The following ARMCX4 variants were observed in gnomAD, a reference collection of about 807,000 sequenced individuals.
ARMCX4 encodes armadillo repeat containing X-linked 4.
A neutral mutation model predicts 34.7 loss-of-function variants in ARMCX4; 3 were observed. The ratio of observed to expected loss-of-function variants is 0.09; its 90% CI spans 0.04 to 0.22. The LOEUF (loss-of-function observed/expected upper bound fraction) is 0.22, where lower values mean the gene tolerates loss of function less well. ARMCX4 is among the 10% of genes least tolerant of loss of function. ARMCX4 has a pLI of 1.00. For synonymous variants in ARMCX4, 513 were observed against 632.8 expected, an observed-to-expected ratio of 0.81 and a Z score of 2.84; for missense variants, 1,448 against 1,720.8, an observed-to-expected ratio of 0.84 and a Z score of 2.81.
intron 4 of ARMCX4, among the ~76,000 whole-genome samples, chrX:101,477,750 C>A (rs1933264452): frequency 9.1e-6 from 1 of 110,400 alleles, no homozygotes; most frequent in Admixed American, 9.7e-5. Context: ...AAATGTAAAA[C>A]CAGATATTAG....
At chrX:101,427,492 C>A (rs982860620) in intron 2 of ARMCX4, among the ~76,000 whole-genome samples, 1 of 110,698 alleles carries the variant, frequency 9.0e-6, no homozygotes, top group Admixed American at 9.6e-5. Flanking sequence ...ATTCTCCTGC[C>A]TCAGCCTCCC....
Position 101,490,124 on chromosome X carries a change from G to T in ARMCX4, c.1535G>T (p.Gly512Val), listed in dbSNP as rs781802826. ...EGAGVDMKAQGMAQSQGEALP... is the reference protein window; with the variant it reads ...EGAGVDMKAQVMAQSQGEALP... ...GCTGGGGTGGATATGAAGGCTCAAG[G>T]TATGGCCCAGAGCCAGGGTGAAGCC... Residue 512 changes from glycine to valine, a missense_variant, in exon 6 of 6, where the codon GGT (glycine) becomes GTT (valine). Transcript: ENST00000423738. The T allele has an allele frequency of 4.2e-5, 48 of 1,154,357 alleles. No homozygotes were observed. The South Asian group carries it at 6.7e-4, about 16-fold the overall frequency.
downstream of ARMCX4, among the ~76,000 whole-genome samples, chrX:101,534,378 A>G (rs1272005393): frequency 9.0e-6 from 1 of 111,452 alleles, no homozygotes; most frequent in Non-Finnish European, 1.9e-5. Context: ...CTATAACAAA[A>G]TAACAGATTT....
chrX:101,469,960 A>G (rs1054035663), intron 4 of ARMCX4, among the ~76,000 whole-genome samples: 2 of 112,192 alleles, frequency 1.8e-5, no homozygotes, highest in Admixed American at 9.4e-5. Flanking sequence ...GGGTATAGGT[A>G]TGGCTGCAGA....
rs1933998322 is a variant in ARMCX4 at position 101,492,075 on chromosome X, T to G, written c.3486T>G (p.Ser1162Arg). Residue 1162 changes from serine to arginine, a missense_variant, in exon 6 of 6, where the codon AGT becomes AGG. By Grantham distance (110) the Ser-to-Arg change is moderately radical (BLOSUM62 -1). Transcript: ENST00000423738. ...RSWAVACDET[S>R]VKSWAGARAE... ...GGGCTGTGGCTTGTGATGAGACCAG[T>G]GTTAAGTCCTGGGCTGGGGCCAGGG... 1 of 1,150,131 alleles carries G rather than the reference T, an allele frequency of 8.7e-7. No homozygotes were observed. Among genetic ancestry groups the G allele is most frequent in the Non-Finnish European group, 1.1e-6 (1 of 870,349 alleles). 94.8% of individuals were successfully genotyped at this position (1,150,131 alleles called of 1,213,427 possible).
At chrX:101,479,468 G>A (rs1373960304) in intron 4 of ARMCX4, among the ~76,000 whole-genome samples, 3 of 107,391 alleles carry the variant, frequency 2.8e-5, no homozygotes, top group Non-Finnish European at 5.7e-5. Flanking sequence ...TATTCCTTAA[G>A]TTGATCTATA....
At position 101,491,518 on chromosome X, in the gene ARMCX4, A is replaced by G. The variant is rs1933979109; in HGVS notation, c.2929A>G (p.Lys977Glu). 8.7e-7 allele frequency: 1 copy of G among 1,155,164 alleles called. No homozygotes were observed. The highest frequency in any genetic ancestry group is 1.8e-5 in the African/African-American group (1 of 56,003). The change falls in exon 6 of 6, where the codon AAG (lysine) becomes GAG (glutamate). Residue 977 changes from lysine (K) to glutamate (E), a missense_variant. Physicochemically the swap from Lys to Glu is moderately conservative, Grantham distance 56. Coordinates refer to ENST00000423738, the MANE Select transcript of ARMCX4 (RefSeq NM_001256155.3). The stretch of plus-strand genomic sequence containing the variant: ...CAGGGGCAATTCCAATGCTGTGCCT[A>G]AGGCAGAGGCTGGGGCAGATACAGT... Reference protein sequence around the residue: ...KVRGNSNAVPKAEAGADTVGS... With the variant: ...KVRGNSNAVPEAEAGADTVGS...
intron 4 of ARMCX4, among the ~76,000 whole-genome samples, chrX:101,463,304 A>C (rs981682202): frequency 2.7e-5 from 3 of 111,009 alleles, no homozygotes; most frequent in Non-Finnish European, 5.7e-5. Flanking sequence ...CAAGAGAACT[A>C]TGCACTCTTT....
chrX:101,522,948 G>T (rs2147716980), intron 11 of ARMCX4, among the ~76,000 whole-genome samples: 1 of 112,098 alleles, frequency 8.9e-6, no homozygotes, highest in East Asian at 2.8e-4. Flanking sequence ...CATTGTTGTT[G>T]CATGTATTGG....
chrX:101,487,754 C>A, intron 4 of ARMCX4, 63 bp downstream of exon 4: 1 of 509,271 alleles, frequency 2.0e-6, no homozygotes, highest in Non-Finnish European at 2.9e-6. Context: ...CAGTGTGCAT[C>A]CAGTAAGGAC....
chrX:101,489,694 C>G lies in ARMCX4; in HGVS notation c.1105C>G (p.Gln369Glu), dbSNP rs1359783312. ...ACAACCTCAGACTGTGGCCAAGAAACAGGCTGAGGTGACGTCTGGTGCCAG... is the reference window on the plus strand; with the variant it reads ...ACAACCTCAGACTGTGGCCAAGAAAGAGGCTGAGGTGACGTCTGGTGCCAG... The part of the protein sequence containing the change: ...CIQPQTVAKK[Q>E]AEVTSGARVD... The change falls in exon 6 of 6, where the codon CAG becomes GAG. Residue 369 changes from glutamine (Q) to glutamate (E), a missense_variant. Gln to Glu is a conservative substitution (Grantham distance 29). Coordinates refer to ENST00000423738, the MANE Select transcript of ARMCX4 (RefSeq NM_001256155.3). 1 of 1,154,440 alleles carries G rather than the reference C, an allele frequency of 8.7e-7. No individual in the cohort carries two copies. The highest frequency in any genetic ancestry group is 1.1e-6 in the Non-Finnish European group (1 of 872,181).
At chrX:101,447,976 C>G (rs552647215), downstream of ARMCX4, 2 of 111,580 alleles carry the variant, frequency 1.8e-5, no homozygotes, top group South Asian at 7.5e-4. Context: ...TAACCATTCC[C>G]ACTTCCTCCC....
chrX:101,437,951 C>T (rs982555641), intron 2 of ARMCX4, among the ~76,000 whole-genome samples: 6 of 111,487 alleles, frequency 5.4e-5, no homozygotes, highest in Admixed American at 9.6e-5. Context: ...AGTAGTTGAG[C>T]GGTTTTGAGT....
At chrX:101,458,535 G>A (rs1483370005) in intron 4 of ARMCX4, among the ~76,000 whole-genome samples, 2 of 104,073 alleles carry the variant, frequency 1.9e-5, no homozygotes, top group Non-Finnish European at 3.9e-5. Flanking sequence ...TTTTTGAGAC[G>A]GAGTGCAATG....
chrX:101,467,842 A>G (rs139344539), intron 4 of ARMCX4, among the ~76,000 whole-genome samples: 1,490 of 112,275 alleles, frequency 0.013, 27 homozygotes, highest in African/African-American at 0.045. Context: ...TTCTCCTCTA[A>G]TGAAACCATT....
intron 2 of ARMCX4, among the ~76,000 whole-genome samples, chrX:101,430,095 A>G (rs1603083463): frequency 8.9e-6 from 1 of 111,946 alleles, no homozygotes; most frequent in South Asian, 3.7e-4. Context: ...ATGTAATAAG[A>G]CATTACAGAC....
At chrX:101,448,965 G>A (rs1223249360), downstream of ARMCX4, among the ~76,000 whole-genome samples, 2 of 98,715 alleles carry the variant, frequency 2.0e-5, no homozygotes, top group Non-Finnish European at 4.0e-5. Context: ...AGGCTGGAGT[G>A]CAGTGGTGCA....
At chrX:101,458,165 G>C (rs977060797) in intron 4 of ARMCX4, among the ~76,000 whole-genome samples, 2 of 110,072 alleles carry the variant, frequency 1.8e-5, no homozygotes, top group Non-Finnish European at 3.8e-5. Flanking sequence ...ATATTATTAT[G>C]AATTCTTAGA....
At chrX:101,429,966 T>G (rs797037195) in intron 2 of ARMCX4, among the ~76,000 whole-genome samples, 1 of 111,496 alleles carries the variant, frequency 9.0e-6, no homozygotes, top group Non-Finnish European at 1.9e-5. Context: ...GACAGCTAGT[T>G]GTTGCTATCC....
Sources: gnomAD v4.1 joint callset for allele counts (sites outside exome capture counted in the v4.1 genomes callset) on GRCh38, gnomAD v4.1.1 for gene constraint, MANE v1.5 for transcripts, NCBI Gene and HGNC (gene_info 2026-07-23, HGNC 2026-07-21) for gene names.